Variants in PRMT8 observed in about 807,000 individuals in gnomAD.
The protein encoded by PRMT8 is protein arginine methyltransferase 8, also known as protein arginine N-methyltransferase 8.
Under a neutral mutation model 47.1 loss-of-function variants are expected in PRMT8, and 7 were observed. The observed-to-expected ratio is 0.15, with a 90% confidence interval of 0.08 to 0.28. The LOEUF is 0.28. Ranked by LOEUF, PRMT8 falls within the 10% of genes least tolerant of loss-of-function variation. PRMT8 has a pLI of 1.00. For missense variants in PRMT8, 237 were observed against 505.4 expected (o/e 0.47, Z 5.09); for synonymous variants, 188 against 186.5 (o/e 1.01, Z -0.07).
At chr12:3,491,008 C>T (rs1261916652), upstream of PRMT8, among the ~76,000 whole-genome samples, 1 of 152,122 alleles carries the variant, frequency 6.6e-6, no homozygotes. Context: ...CCGCGCGGGC[C>T]TGGCCTCCAC....
intron 1 of PRMT8, among the ~76,000 whole-genome samples, chr12:3,433,222 G>C (rs1271997531): frequency 6.6e-6 from 1 of 152,218 alleles, no homozygotes; most frequent in Admixed American, 6.5e-5. Context: ...TCATGCATTA[G>C]TTAGCCTCCT....
chr12:3,454,178 C>T (rs1347282501), intron 1 of PRMT8, among the ~76,000 whole-genome samples: 3 of 152,018 alleles, frequency 2.0e-5, no homozygotes, highest in Non-Finnish European at 2.9e-5. Flanking sequence ...CTTAATGCCG[C>T]CCCCGCCCAC....
intron 1 of PRMT8, among the ~76,000 whole-genome samples, chr12:3,397,734 TC>T (rs886718897): frequency 3.9e-5 from 6 of 152,102 alleles, no homozygotes; most frequent in East Asian, 1.9e-4. Context: ...TGTGGTGGGC[TC>T]CCCCCAGTTC....
At chr12:3,385,603 T>C (rs1454319750) in intron 1 of PRMT8, among the ~76,000 whole-genome samples, 1 of 152,254 alleles carries the variant, frequency 6.6e-6, no homozygotes, top group African/African-American at 2.4e-5. Flanking sequence ...ATGTCTTAAT[T>C]ATAACTTAGG....
intron 8 of PRMT8, among the ~76,000 whole-genome samples, chr12:3,590,804 C>A (rs914927295): frequency 1.3e-5 from 2 of 152,094 alleles, no homozygotes; most frequent in African/African-American, 2.4e-5. Flanking sequence ...GACATTTGCT[C>A]TTTGGGTTCT....
At chr12:3,402,025 C>T (rs1405885241) in intron 1 of PRMT8, among the ~76,000 whole-genome samples, 1 of 152,178 alleles carries the variant, frequency 6.6e-6, no homozygotes, top group Non-Finnish European at 1.5e-5. Flanking sequence ...ATAGCCAAGA[C>T]AATCCTAAGC....
rs115396254 is a variant in PRMT8 at position 3,543,892 on chromosome 12, A to G, written c.261+3101A>G. ...TAGGCTCCATGACCTCCCAGACCCCAGCTCTGAAATCTCAGCGTCTCTAAC... is the reference window on the plus strand; with the variant it reads ...TAGGCTCCATGACCTCCCAGACCCCGGCTCTGAAATCTCAGCGTCTCTAAC... On this transcript the variant is annotated intron_variant, in intron 2 of 9. Transcript: ENST00000382622. 3.7e-3 allele frequency among the ~76,000 whole-genome samples: 563 copies of G among 152,260 alleles called. 4 individuals are homozygous for G. The highest frequency in any genetic ancestry group is 0.012 in the African/African-American group (509 of 41,570).
At chr12:3,401,864 A>G (rs1864321005) in intron 1 of PRMT8, among the ~76,000 whole-genome samples, 1 of 152,238 alleles carries the variant, frequency 6.6e-6, no homozygotes, top group Non-Finnish European at 1.5e-5. Context: ...TTCCATGCTC[A>G]TGGATAGGAG....
intron 1 of PRMT8, among the ~76,000 whole-genome samples, chr12:3,444,583 G>T (rs1442959327): frequency 2.0e-5 from 3 of 152,232 alleles, no homozygotes; most frequent in African/African-American, 4.8e-5. Context: ...GGTTAGAGGG[G>T]AAATTTAGAG....
intron 1 of PRMT8, among the ~76,000 whole-genome samples, chr12:3,387,653 A>T (rs111981620): frequency 6.6e-6 from 1 of 152,354 alleles, no homozygotes; most frequent in African/African-American, 2.4e-5. Context: ...TGTGCCAAGA[A>T]CTTTACATGC....
rs141170173 is a variant in PRMT8 at position 3,564,204 on chromosome 12, G to A, written c.482-4502G>A. 3.0e-4 allele frequency among the ~76,000 whole-genome samples: 46 copies of A among 152,206 alleles called. No homozygotes were observed. The East Asian group carries it at 8.5e-3, about 28-fold the overall frequency. On this transcript the variant is annotated intron_variant, in intron 4 of 9. Transcript: ENST00000382622. The surrounding 1 kb of genome is among the most constrained non-coding windows in gnomAD (Gnocchi z 4.0). ...CTTTGCTGCAGTGGGGTTGGCAGGGGGGTCAGGGGGCTTCATAGGCTCATA... is the reference window on the plus strand; with the variant it reads ...CTTTGCTGCAGTGGGGTTGGCAGGGAGGTCAGGGGGCTTCATAGGCTCATA...
At chr12:3,457,929 A>G (rs187293955) in intron 1 of PRMT8, among the ~76,000 whole-genome samples, 1,918 of 125,814 alleles carry the variant, frequency 0.015, 20 homozygotes, top group Non-Finnish European at 0.023. Flanking sequence ...TGCAACCTCC[A>G]CCTCCCGGGT....
intron 1 of PRMT8, among the ~76,000 whole-genome samples, chr12:3,403,563 A>C (rs569029008): frequency 6.6e-6 from 1 of 152,204 alleles, no homozygotes; most frequent in African/African-American, 2.4e-5. Flanking sequence ...GATGTTTATC[A>C]TGGTAATGTT....
intron 4 of PRMT8, among the ~76,000 whole-genome samples, chr12:3,556,423 G>A (rs1425484838): frequency 6.6e-6 from 1 of 152,090 alleles, no homozygotes; most frequent in African/African-American, 2.4e-5. Flanking sequence ...AGCCCAGGGA[G>A]GGGGGCTTGC....
chr12:3,568,679 T>C, intron 4 of PRMT8, 27 bp from the exon 5 acceptor site: 1 of 1,613,852 alleles, frequency 6.2e-7, no homozygotes, highest in Non-Finnish European at 8.5e-7. Flanking sequence ...CCCTGCAAAG[T>C]ATGGCCCTGG....
chr12:3,526,882 G>A (rs1053353715), intron 1 of PRMT8, among the ~76,000 whole-genome samples: 1 of 152,094 alleles, frequency 6.6e-6, no homozygotes, highest in Non-Finnish European at 1.5e-5. Flanking sequence ...TTATGTTAAA[G>A]TAAGTTTTAA....
At chr12:3,416,700 A>T (rs1271069893) in intron 1 of PRMT8, among the ~76,000 whole-genome samples, 1 of 152,206 alleles carries the variant, frequency 6.6e-6, no homozygotes, top group Non-Finnish European at 1.5e-5. Context: ...TCAGTTTCAG[A>T]AAGACTTAGG....
chr12:3,473,632 G>T (rs573358884), intron 1 of PRMT8, among the ~76,000 whole-genome samples: 209 of 152,202 alleles, frequency 1.4e-3, no homozygotes, highest in Admixed American at 2.5e-3. Context: ...TAAGGACCAG[G>T]TCTGCACGGC....
intron 1 of PRMT8, among the ~76,000 whole-genome samples, chr12:3,407,134 A>C (rs1864380416): frequency 6.6e-6 from 1 of 152,160 alleles, no homozygotes; most frequent in African/African-American, 2.4e-5. Flanking sequence ...TGCTGAGCAA[A>C]GGGGGAAAAG....
Sources: allele counts gnomAD v4.1 joint callset (sites outside exome capture counted in the v4.1 genomes callset), GRCh38; gene constraint gnomAD v4.1.1; non-coding constraint Gnocchi (gnomAD v3.1); transcripts MANE v1.5; gene names NCBI Gene and HGNC (gene_info 2026-07-23, HGNC 2026-07-21).